MUSK: variants seen among roughly 807,000 people sequenced by gnomAD.
MUSK encodes the protein muscle, skeletal receptor tyrosine-protein kinase.
MUSK carries 55 observed loss-of-function variants against 88.7 expected under a neutral mutation model. The ratio of observed to expected loss-of-function variants is 0.62; its 90% confidence interval spans 0.50 to 0.78. MUSK has a LOEUF of 0.78. Ranked by LOEUF, MUSK falls within the 30% of genes least tolerant of loss-of-function variation. The pLI, the probability that MUSK is intolerant of heterozygous loss-of-function variation, is 0.00. For synonymous variants in MUSK, 387 were observed against 391.9 expected, an observed-to-expected ratio of 0.99 and a Z score of 0.15; for missense variants, 1,015 against 1,074.3, an observed-to-expected ratio of 0.94 and a Z score of 0.77.
At chr9:110,699,195 C>G (rs1285606476) in intron 5 of MUSK, among the ~76,000 whole-genome samples, 3 of 152,060 alleles carry the variant, frequency 2.0e-5, no homozygotes, top group African/African-American at 7.2e-5. Flanking sequence ...TGAATACTGC[C>G]TCTTTTCTCG....
intron 11 of MUSK, among the ~76,000 whole-genome samples, chr9:110,780,143 C>A (rs2077728619): frequency 1.3e-5 from 2 of 152,154 alleles, no homozygotes; most frequent in South Asian, 4.1e-4. Flanking sequence ...TCTATTTTAT[C>A]CCTACTATCT....
chr9:110,786,310 CAAAA>C (rs60666436), intron 13 of MUSK, among the ~76,000 whole-genome samples: 2 of 75,490 alleles, frequency 2.6e-5, no homozygotes, highest in Admixed American at 1.5e-4. Context: ...GACTCTGTCT[CAAAA>C]AAAAAAAAAA....
Position 110,755,941 on chromosome 9 carries a change from T to TATATATACATATATATAAC in MUSK, c.914-6254_914-6253insCATATATATAACATATATA, listed in dbSNP as rs1554750784. The stretch of plus-strand genomic sequence containing the variant: ...AGTGCCATATATATATACATATATA[T>TATATATACATATATATAAC]ATATATATACACATATATATATACA... On this transcript the variant is annotated intron_variant, in intron 7 of 14. Coordinates refer to ENST00000374448, the MANE Select transcript of MUSK (RefSeq NM_005592.4). 1.4e-4 allele frequency among the ~76,000 whole-genome samples: 11 copies of TATATATACATATATATAAC among 76,538 alleles called. No individual in the cohort carries two copies. The East Asian group carries it at 3.4e-3, about 24-fold the overall frequency. The allele number at this position is 76,538 out of a possible 152,430, so 50.2% of individuals were successfully genotyped here.
At position 110,697,407 on chromosome 9, in the gene MUSK, G is replaced by A; in HGVS notation, c.569G>A (p.Cys190Tyr). The A allele has an allele frequency of 6.2e-7, 1 of 1,612,890 alleles. No homozygotes were observed. The highest frequency in any genetic ancestry group is 8.5e-7 in the Non-Finnish European group (1 of 1,179,262). Residue 190 changes from cysteine to tyrosine, a missense_variant, in exon 5 of 15, where the codon TGT becomes TAT. Transcript: ENST00000374448. ...AAGGAAGATGCAGGACAGTATCGAT[G>A]TGTGGCAAAAAACAGCCTCGGGACA... ...VQKEDAGQYR[C>Y]VAKNSLGTAY... is the part of the protein sequence containing the mutation.
chr9:110,731,494 G>C (rs1206885595), intron 5 of MUSK, among the ~76,000 whole-genome samples: 1 of 152,006 alleles, frequency 6.6e-6, no homozygotes, highest in African/African-American at 2.4e-5. Context: ...ACTGAAAAAA[G>C]GGGGTTGAGT....
intron 5 of MUSK, among the ~76,000 whole-genome samples, chr9:110,717,509 G>A (rs10980539): frequency 0.14 from 20,577 of 149,436 alleles, 2,383 homozygotes; most frequent in East Asian, 0.47. Context: ...ATTATTTTAT[G>A]GTCCATAAAT....
Position 110,697,461 on chromosome 9 carries a change from T to A in MUSK, c.623T>A (p.Val208Asp), listed in dbSNP as rs1273215689. 1 of 1,608,920 alleles carries A rather than the reference T, an allele frequency of 6.2e-7. No individual in the cohort carries two copies. The highest frequency in any genetic ancestry group is 1.7e-5 in the Admixed American group (1 of 59,642). The part of the protein sequence containing the change: ...TAYSKVVKLE[V>D]EVFARILRAP... ...TATTCCAAAGTGGTGAAGCTGGAAG[T>A]TGAGGGTAAGGAGCTGCATTTCTTC... The change falls in exon 5 of 15, where the codon GTT becomes GAT. Residue 208 changes from valine (V) to aspartate (D), a missense_variant. Transcript: ENST00000374448.
chr9:110,726,447 T>C (rs1388034664), intron 5 of MUSK, among the ~76,000 whole-genome samples: 1 of 152,142 alleles, frequency 6.6e-6, no homozygotes, highest in East Asian at 1.9e-4. Flanking sequence ...AGTTCAAGTA[T>C]AGTCCTGTAT....
At chr9:110,689,623 ATT>A (rs1368219912) in intron 3 of MUSK, among the ~76,000 whole-genome samples, 2 of 102,550 alleles carry the variant, frequency 2.0e-5, no homozygotes, top group African/African-American at 4.2e-5. Context: ...TAGTATATAT[ATT>A]ATATATTAGT....
rs1269843744 is a variant in MUSK at position 110,763,851 on chromosome 9, G to A, written c.920+1643G>A. On this transcript the variant is annotated intron_variant, in intron 8 of 14. Transcript: ENST00000374448. ...GACATCTCCCTCAGAGAAACTTGAA[G>A]ATAACATTTTAAAATGTTCTATTGA... Among the ~76,000 whole-genome samples the A allele has an allele frequency of 2.6e-5, 4 of 152,146 alleles. No individual in the cohort carries two copies. The East Asian group carries it at 5.8e-4, about 22-fold the overall frequency.
At chr9:110,716,174 G>A in intron 5 of MUSK, among the ~76,000 whole-genome samples, 1 of 149,898 alleles carries the variant, frequency 6.7e-6, no homozygotes, top group East Asian at 1.9e-4. Flanking sequence ...TATTAGCTTG[G>A]TGCAAAAGAA....
At chr9:110,786,699 A>G (rs2077872915) in intron 13 of MUSK, among the ~76,000 whole-genome samples, 1 of 152,218 alleles carries the variant, frequency 6.6e-6, no homozygotes, top group Non-Finnish European at 1.5e-5. Context: ...AAATTTATAA[A>G]AAATGAGCTC....
At chr9:110,747,536 C>A (rs1202125399) in intron 6 of MUSK, 105 bp from the exon 7 acceptor site, 25 of 1,185,160 alleles carry the variant, frequency 2.1e-5, no homozygotes, top group African/African-American at 3.0e-5. Flanking sequence ...TGCAGTGTAC[C>A]ACATGCACTT....
intron 11 of MUSK, among the ~76,000 whole-genome samples, chr9:110,782,151 T>C (rs1564289112): frequency 1.3e-5 from 2 of 152,208 alleles, no homozygotes; most frequent in Non-Finnish European, 2.9e-5. Flanking sequence ...ATTGATTTAG[T>C]GAATGCATTT....
intron 5 of MUSK, among the ~76,000 whole-genome samples, chr9:110,700,977 A>T (rs2076493677): frequency 6.6e-6 from 1 of 152,236 alleles, no homozygotes; most frequent in Non-Finnish European, 1.5e-5. Context: ...GAGAAGAGGG[A>T]AGTTTTCAGT....
intron 9 of MUSK, chr9:110,775,495 G>A: frequency 2.6e-6 from 1 of 377,880 alleles, no homozygotes; most frequent in East Asian, 6.3e-5. Flanking sequence ...GTTGGGAGAA[G>A]ACATATCAGA....
At chr9:110,769,405 T>A (rs768341417) in intron 9 of MUSK, among the ~76,000 whole-genome samples, 19 of 152,014 alleles carry the variant, frequency 1.2e-4, no homozygotes, top group Non-Finnish European at 2.6e-4. Flanking sequence ...TGATCAGGCA[T>A]GTTATCTAAA....
intron 3 of MUSK, among the ~76,000 whole-genome samples, chr9:110,689,718 T>TAGTTATATATATATATATATCTATATATA (rs370720549): frequency 1.9e-5 from 1 of 51,662 alleles, no homozygotes; most frequent in Non-Finnish European, 2.9e-5. Context: ...TAACTATATA[T>TAGTTATATATATATATATATCTATATATA]GTTATATATA....
At position 110,785,028 on chromosome 9, in the gene MUSK, G is replaced by A. The variant is rs371743720; in HGVS notation, c.1586+12G>A. On this transcript the variant is annotated intron_variant, in intron 12 of 14. Transcript: ENST00000374448. ...AAAAATAAGAAAAGGTGAGATTCTAGTTTCAGCTAACCATGTGTAGTAATA... is the reference window on the plus strand; with the variant it reads ...AAAAATAAGAAAAGGTGAGATTCTAATTTCAGCTAACCATGTGTAGTAATA... 3.0e-5 allele frequency: 49 copies of A among 1,610,902 alleles called. No homozygotes were observed. Among genetic ancestry groups the A allele is most frequent in the Non-Finnish European group, 4.2e-5 (49 of 1,177,812 alleles).
Sources: allele counts gnomAD v4.1 joint callset (sites outside exome capture counted in the v4.1 genomes callset), GRCh38; gene constraint gnomAD v4.1.1; transcripts MANE v1.5; gene names NCBI Gene and HGNC (gene_info 2026-07-23, HGNC 2026-07-21).